Variants in TMEM94 observed in about 807,000 individuals in gnomAD.
TMEM94 encodes transmembrane protein 94.
In TMEM94, 81 loss-of-function variants were observed where a neutral mutation model predicts 158.6. The ratio of observed to expected loss-of-function variants is 0.51; its 90% CI spans 0.43 to 0.61. TMEM94 has a LOEUF of 0.61. Among genes scored for constraint, TMEM94 ranks in the 20% least tolerant of loss-of-function variants. TMEM94 has a pLI of 0.00. For missense variants in TMEM94, 1,435 were observed against 1,762.0 expected, an observed-to-expected ratio of 0.81 and a Z score of 3.32; for synonymous variants, 751 against 730.7, an observed-to-expected ratio of 1.03 and a Z score of -0.45.
intron 1 of TMEM94, among the ~76,000 whole-genome samples, chr17:75,463,282 C>T (rs1167853849): frequency 6.7e-6 from 1 of 149,870 alleles, no homozygotes; most frequent in East Asian, 2.0e-4. Context: ...TTTGGGGCCT[C>T]CCAGAGTAAG....
intron 1 of TMEM94, among the ~76,000 whole-genome samples, chr17:75,469,911 A>G (rs2050436547): frequency 6.6e-6 from 1 of 152,010 alleles, no homozygotes; most frequent in African/African-American, 2.4e-5. Context: ...CGTCTCTAGT[A>G]AAAATACAAA....
chr17:75,486,543 C>A, intron 5 of TMEM94, 117 bp downstream of exon 5: 2 of 1,236,734 alleles, frequency 1.6e-6, no homozygotes, highest in South Asian at 1.4e-5. Flanking sequence ...ATTGCAGGGG[C>A]TCTTGTCATC....
At chr17:75,457,158 C>A (rs1356830060) in intron 1 of TMEM94, 2 of 152,456 alleles carry the variant, frequency 1.3e-5, no homozygotes, top group Non-Finnish European at 2.9e-5. Context: ...GTTGTCCCGC[C>A]TGCGCGCGCT....
rs973281092 is a variant in TMEM94 at position 75,474,644 on chromosome 17, AAAAAC to A, written c.24+2735_24+2739del. On this transcript the variant is annotated intron_variant, in intron 2 of 31. Coordinates refer to ENST00000314256, the MANE Select transcript of TMEM94 (RefSeq NM_014738.6). ...CCTGGGGGACAGAGCAGAATCTCTA[AAAAAC>A]AAAACAAAACAAAACAAAAAACCAA... 4.6e-5 allele frequency among the ~76,000 whole-genome samples: 7 copies of A among 152,158 alleles called. No homozygotes were observed. The East Asian group carries it at 5.8e-4, about 13-fold the overall frequency.
chr17:75,497,048 G>C, intron 25 of TMEM94, 65 bp from the exon 26 acceptor site: 1 of 1,412,320 alleles, frequency 7.1e-7, no homozygotes, highest in Non-Finnish European at 1.0e-6. Context: ...GGGAGCTCGG[G>C]GGCTCCTATG....
At chr17:75,461,093 C>CTTTTTTTT (rs59878082) in intron 1 of TMEM94, among the ~76,000 whole-genome samples, 2 of 69,676 alleles carry the variant, frequency 2.9e-5, no homozygotes, top group African/African-American at 1.1e-4. Flanking sequence ...TTGCGATTGG[C>CTTTTTTTT]TTTTTTTTTT....
chr17:75,491,574 A>G lies in TMEM94; in HGVS notation c.1387-117A>G, dbSNP rs1039810767. The G allele has an allele frequency of 2.2e-5, 34 of 1,562,370 alleles. No individual in the cohort carries two copies. The highest frequency in any genetic ancestry group is 2.9e-5 in the Non-Finnish European group (33 of 1,141,592). ...GGCGAAGGAGGGTTTGGGCACCATTAGGATCTGCTTCTGGGCAGGTGAGGT... is the reference window on the plus strand; with the variant it reads ...GGCGAAGGAGGGTTTGGGCACCATTGGGATCTGCTTCTGGGCAGGTGAGGT... On this transcript the variant is annotated intron_variant, in intron 13 of 31. Coordinates refer to ENST00000314256, the MANE Select transcript of TMEM94 (RefSeq NM_014738.6). The surrounding 1 kb of genome is among the most constrained non-coding windows in gnomAD (Gnocchi z 5.1).
Position 75,499,636 on chromosome 17 carries a change from A to C in TMEM94, c.*302A>C. The C allele has an allele frequency of 2.1e-5, 8 of 376,942 alleles. No homozygotes were observed. The highest frequency in any genetic ancestry group is 3.9e-5 in the South Asian group (1 of 25,954). The allele number at this position is 376,942 out of a possible 1,614,324, so 23.3% of individuals were successfully genotyped here. A position where few individuals can be genotyped will look rare whatever the true frequency, so the allele number is the denominator to read the frequency against. ...CCCTAAACCCCCTCACCTGTGAGCT[A>C]CCCCCTTTAGGGATCCCTTGCCCCC... On this transcript the variant is annotated 3_prime_UTR_variant, in exon 32 of 32. Coordinates refer to ENST00000314256, the MANE Select transcript of TMEM94 (RefSeq NM_014738.6).
chr17:75,490,259 C>G lies in TMEM94; in HGVS notation c.980C>G (p.Pro327Arg), dbSNP rs1350448262. Residue 327 changes from proline to arginine, a missense_variant, in exon 10 of 32, where the codon CCC (proline) becomes CGC (arginine). Pro to Arg is a moderately radical substitution (Grantham distance 103, BLOSUM62 -2). Transcript: ENST00000314256. ...GTGAATGGCGTCCTGCCCATCCTCC[C>G]CCTGCTCTTTCCAGTCCTCTGGGTT... Reference protein sequence around the residue: ...LQVNGVLPILPLLFPVLWVLA... With the variant: ...LQVNGVLPILRLLFPVLWVLA... 6.2e-7 allele frequency: 1 copy of G among 1,613,984 alleles called. No individual in the cohort carries two copies. The highest frequency in any genetic ancestry group is 8.5e-7 in the Non-Finnish European group (1 of 1,180,014).
intron 25 of TMEM94, 67 bp from the exon 26 acceptor site, chr17:75,497,045 CG>C: frequency 1.4e-6 from 2 of 1,395,328 alleles, no homozygotes. Context: ...CAAGGGAGCT[CG>C]GGGGCTCCTA....
chr17:75,478,003 C>CT (rs909668190), intron 2 of TMEM94, among the ~76,000 whole-genome samples: 888 of 57,908 alleles, frequency 0.015, 166 homozygotes, highest in Non-Finnish European at 0.02. Context: ...GAGACTCCAT[C>CT]TTTTTTTTTT....
chr17:75,497,695 G>GC, intron 26 of TMEM94, 86 bp from the exon 27 acceptor site: 1 of 1,101,300 alleles, frequency 9.1e-7, no homozygotes, highest in South Asian at 1.3e-5. Flanking sequence ...GACCTCACGC[G>GC]CAAGACTCCC....
At chr17:75,466,384 A>T (rs2050307747) in intron 1 of TMEM94, among the ~76,000 whole-genome samples, 1 of 152,168 alleles carries the variant, frequency 6.6e-6, no homozygotes, top group South Asian at 2.1e-4. Flanking sequence ...AAATCTTCAA[A>T]TCAGGTAGTG....
Position 75,497,996 on chromosome 17 carries a change from T to C in TMEM94, c.3489+134T>C, listed in dbSNP as rs567441786. ...GAACTCCGGCACTTGGTTCCTAGTCTTCCCCCAGATCAAAGAGGAGGTAGT... is the reference window on the plus strand; with the variant it reads ...GAACTCCGGCACTTGGTTCCTAGTCCTCCCCCAGATCAAAGAGGAGGTAGT... On this transcript the variant is annotated intron_variant, in intron 27 of 31. Coordinates refer to ENST00000314256, the MANE Select transcript of TMEM94 (RefSeq NM_014738.6). 96 of 1,158,670 alleles carry C rather than the reference T, an allele frequency of 8.3e-5. No homozygotes were observed. In the East Asian group the frequency reaches 2.1e-3, roughly 26 times the overall value. 71.8% of individuals were successfully genotyped at this position (1,158,670 alleles called of 1,614,324 possible). A position where few individuals can be genotyped will look rare whatever the true frequency, so the allele number is the denominator to read the frequency against.
intron 6 of TMEM94, 26 bp from the exon 7 acceptor site, chr17:75,488,733 C>G (rs764251941): frequency 6.2e-7 from 1 of 1,612,896 alleles, no homozygotes; most frequent in Non-Finnish European, 8.5e-7. Context: ...CCCTCTCGTT[C>G]CCACTCTCCC....
At position 75,485,898 on chromosome 17, in the gene TMEM94, C is replaced by G; in HGVS notation, c.172C>G (p.His58Asp). 1 of 1,613,230 alleles carries G rather than the reference C, an allele frequency of 6.2e-7. No individual in the cohort carries two copies. Among genetic ancestry groups the G allele is most frequent in the South Asian group, 1.1e-5 (1 of 90,892 alleles). ...KEVWRSSFLH[H>D]SNRCSCFHWP... ...GGTGTGGAGAAGCAGCTTCCTCCAC[C>G]ACAGTAACCGCTGCTCCTGCTTCCA... The change falls in exon 4 of 32, where the codon CAC becomes GAC. Residue 58 changes from histidine (H) to aspartate (D), a missense_variant. His to Asp is a moderately conservative substitution (Grantham distance 81). Transcript: ENST00000314256. The surrounding 1 kb of genome is among the most constrained non-coding windows in gnomAD (Gnocchi z 5.5).
At chr17:75,463,639 A>G (rs2050190068) in intron 1 of TMEM94, among the ~76,000 whole-genome samples, 1 of 152,196 alleles carries the variant, frequency 6.6e-6, no homozygotes, top group South Asian at 2.1e-4. Context: ...TAACTAAGCC[A>G]TTTGTGGTAG....
intron 11 of TMEM94, 47 bp downstream of exon 11, chr17:75,490,805 A>G: frequency 6.4e-7 from 1 of 1,560,394 alleles, no homozygotes; most frequent in Non-Finnish European, 8.8e-7. Flanking sequence ...CCCTAGAGCC[A>G]TAACCCTGGG....
intron 2 of TMEM94, among the ~76,000 whole-genome samples, chr17:75,482,542 ATG>A (rs2051259114): frequency 2.0e-5 from 3 of 151,552 alleles, no homozygotes; most frequent in South Asian, 2.1e-4. Context: ...GTATGTATGT[ATG>A]TATGTATGTA....
Sources: allele counts gnomAD v4.1 joint callset (sites outside exome capture counted in the v4.1 genomes callset), GRCh38; gene constraint gnomAD v4.1.1; non-coding constraint Gnocchi (gnomAD v3.1); transcripts MANE v1.5; gene names NCBI Gene and HGNC (gene_info 2026-07-23, HGNC 2026-07-21).